The following PRKD1 variants were observed in gnomAD, a reference collection of about 807,000 sequenced individuals.
PRKD1 encodes protein kinase D1.
Under a neutral mutation model 95.9 loss-of-function variants are expected in PRKD1, and 63 were observed. That is an observed-to-expected ratio of 0.66 (90% confidence interval 0.54 to 0.81). The LOEUF is 0.81. Among genes scored for constraint, PRKD1 ranks in the 30% least tolerant of loss-of-function variants. The probability of loss-of-function intolerance (pLI) is 0.00; values close to 1 mark genes in which losing one functional copy is unlikely to be tolerated. For synonymous variants in PRKD1, 425 were observed against 423.1 expected (o/e 1.00, Z -0.05); for missense variants, 1,048 against 1,165.3 (o/e 0.90, Z 1.47).
At chr14:29,785,393 C>T (rs941611105) in intron 1 of PRKD1, among the ~76,000 whole-genome samples, 1 of 151,958 alleles carries the variant, frequency 6.6e-6, no homozygotes. Context: ...TGTAAATATG[C>T]TATTGATTTT....
intron 4 of PRKD1, among the ~76,000 whole-genome samples, chr14:29,647,634 A>G (rs1385106794): frequency 2.0e-5 from 3 of 152,226 alleles, no homozygotes; most frequent in South Asian, 2.1e-4. Context: ...TGTGACACTG[A>G]TTACTACTGC....
chr14:29,739,967 G>T (rs1886911155), intron 1 of PRKD1, among the ~76,000 whole-genome samples: 1 of 152,044 alleles, frequency 6.6e-6, no homozygotes, highest in Non-Finnish European at 1.5e-5. Context: ...TTATTTTGTT[G>T]TATATAATTT....
At chr14:29,860,589 A>G (rs978002221) in intron 1 of PRKD1, among the ~76,000 whole-genome samples, 3 of 152,224 alleles carry the variant, frequency 2.0e-5, no homozygotes, top group African/African-American at 7.2e-5. Context: ...ATACAGGAAG[A>G]TACTTGTTTT....
chr14:29,653,710 C>T (rs1026820249), intron 4 of PRKD1, among the ~76,000 whole-genome samples: 2 of 152,100 alleles, frequency 1.3e-5, no homozygotes, highest in Non-Finnish European at 2.9e-5. Flanking sequence ...AATATGTCTT[C>T]TCCATGTGAA....
chr14:29,624,380 TC>T, intron 12 of PRKD1, 122 bp from the exon 13 acceptor site: 1 of 558,596 alleles, frequency 1.8e-6, no homozygotes, highest in Non-Finnish European at 3.0e-6. Context: ...AATTAACATT[TC>T]TAAAGAGCAC....
chr14:29,810,542 A>T (rs1206521427), intron 1 of PRKD1, among the ~76,000 whole-genome samples: 1 of 152,258 alleles, frequency 6.6e-6, no homozygotes, highest in Non-Finnish European at 1.5e-5. Context: ...CATTGTTCCA[A>T]GACACAAATC....
At chr14:29,924,537 G>A (rs1895232848) in intron 1 of PRKD1, among the ~76,000 whole-genome samples, 3 of 152,144 alleles carry the variant, frequency 2.0e-5, no homozygotes, top group Admixed American at 2.0e-4. Flanking sequence ...TTAGTACTTA[G>A]GGAGCTCCTG....
intron 5 of PRKD1, 39 bp from the exon 6 acceptor site, chr14:29,638,605 T>C: frequency 1.2e-6 from 2 of 1,613,446 alleles, no homozygotes; most frequent in Non-Finnish European, 8.5e-7. Flanking sequence ...AAATGAGAAT[T>C]TGTCATAAAG....
intron 1 of PRKD1, among the ~76,000 whole-genome samples, chr14:29,834,089 A>C (rs945144134): frequency 2.6e-5 from 4 of 152,164 alleles, no homozygotes; most frequent in Non-Finnish European, 5.9e-5. Flanking sequence ...GAATTTTAAC[A>C]TTAAATACTA....
At chr14:29,839,653 C>A (rs1381668096) in intron 1 of PRKD1, among the ~76,000 whole-genome samples, 1 of 151,982 alleles carries the variant, frequency 6.6e-6, no homozygotes, top group Non-Finnish European at 1.5e-5. Context: ...TGCCCTGAAG[C>A]AAACTTCTGC....
rs1275283282 is a variant in PRKD1 at position 29,883,217 on chromosome 14, G to A, written c.264+44032C>T. ...TATTGCAAGAACAGCATCAAACCATGAGGCTCCACCCCCGTGGCCCAAACA... is the reference window on the plus strand; with the variant it reads ...TATTGCAAGAACAGCATCAAACCATAAGGCTCCACCCCCGTGGCCCAAACA... On this transcript the variant is annotated intron_variant, in intron 1 of 17. Coordinates refer to ENST00000331968, the MANE Select transcript of PRKD1 (RefSeq NM_002742.3). Among the ~76,000 whole-genome samples the A allele has an allele frequency of 2.6e-5, 4 of 152,098 alleles. No homozygotes were observed. The East Asian group carries it at 7.7e-4, about 29-fold the overall frequency.
intron 4 of PRKD1, among the ~76,000 whole-genome samples, chr14:29,647,852 G>A (rs776973593): frequency 4.6e-5 from 7 of 152,126 alleles, no homozygotes; most frequent in African/African-American, 1.2e-4. Flanking sequence ...ACTGAGCACC[G>A]GACAAAGAAA....
chr14:29,684,903 G>A (rs191500599), intron 2 of PRKD1, among the ~76,000 whole-genome samples: 1 of 152,284 alleles, frequency 6.6e-6, no homozygotes, highest in African/African-American at 2.4e-5. Context: ...TGGTTTTCTT[G>A]CTTTTCATGC....
At chr14:29,918,455 A>C (rs1012650770) in intron 1 of PRKD1, among the ~76,000 whole-genome samples, 4 of 152,200 alleles carry the variant, frequency 2.6e-5, no homozygotes, top group African/African-American at 9.6e-5. Context: ...GAAGCTTCTG[A>C]ATATATTTTC....
chr14:29,724,745 T>C (rs926780064), intron 2 of PRKD1, among the ~76,000 whole-genome samples: 2 of 152,278 alleles, frequency 1.3e-5, no homozygotes, highest in East Asian at 1.9e-4. Flanking sequence ...AAAGAAGGCA[T>C]GAGAGGAGAA....
At chr14:29,793,331 A>C (rs925271325) in intron 1 of PRKD1, among the ~76,000 whole-genome samples, 1 of 152,076 alleles carries the variant, frequency 6.6e-6, no homozygotes, top group Non-Finnish European at 1.5e-5. Flanking sequence ...TTTTTCAAAA[A>C]ACATCCAAAC....
chr14:29,884,657 A>G (rs1893632538), intron 1 of PRKD1, among the ~76,000 whole-genome samples: 1 of 152,224 alleles, frequency 6.6e-6, no homozygotes, highest in African/African-American at 2.4e-5. Context: ...AGCCAATGTC[A>G]ACATATCATG....
At chr14:29,854,689 T>C (rs1397218149) in intron 1 of PRKD1, among the ~76,000 whole-genome samples, 1 of 152,088 alleles carries the variant, frequency 6.6e-6, no homozygotes, top group Non-Finnish European at 1.5e-5. Context: ...ATGGGAAAAA[T>C]GTCTCCAGAC....
intron 1 of PRKD1, among the ~76,000 whole-genome samples, chr14:29,851,991 C>T (rs1892326840): frequency 6.6e-6 from 1 of 152,092 alleles, no homozygotes; most frequent in African/African-American, 2.4e-5. Context: ...CAGAAAACCA[C>T]ATACTTCATG....
Sources: allele counts gnomAD v4.1 joint callset (sites outside exome capture counted in the v4.1 genomes callset), GRCh38; gene constraint gnomAD v4.1.1; transcripts MANE v1.5; gene names NCBI Gene and HGNC (gene_info 2026-07-23, HGNC 2026-07-21).